The following SND1 variants were observed in gnomAD, a reference collection of about 807,000 sequenced individuals.
The protein encoded by SND1 is staphylococcal nuclease and tudor domain containing 1.
A neutral mutation model predicts 121.7 loss-of-function variants in SND1; 38 were observed. The ratio of observed to expected loss-of-function variants is 0.31; its 90% CI spans 0.24 to 0.41. The LOEUF (loss-of-function observed/expected upper bound fraction) is 0.41. Among genes scored for constraint, SND1 ranks in the 10% least tolerant of loss-of-function variants. The pLI is 1.00. For synonymous variants in SND1, 401 were observed against 447.4 expected, an observed-to-expected ratio of 0.90 and a Z score of 1.31; for missense variants, 868 against 1,184.6, an observed-to-expected ratio of 0.73 and a Z score of 3.92.
At chr7:128,045,311 C>T (rs1292465773) in intron 16 of SND1, among the ~76,000 whole-genome samples, 1 of 152,184 alleles carries the variant, frequency 6.6e-6, no homozygotes, top group Non-Finnish European at 1.5e-5. Flanking sequence ...AGTTCTAAGC[C>T]ATGCTCCAGC....
chr7:127,956,784 G>C (rs980004088), intron 15 of SND1, among the ~76,000 whole-genome samples: 1 of 152,180 alleles, frequency 6.6e-6, no homozygotes, highest in Non-Finnish European at 1.5e-5. Context: ...ATAATTTTTT[G>C]CTACCTTCTT....
At chr7:127,757,071 A>C (rs1355947362) in intron 10 of SND1, among the ~76,000 whole-genome samples, 1 of 152,214 alleles carries the variant, frequency 6.6e-6, no homozygotes, top group African/African-American at 2.4e-5. Context: ...AATTTTTAGT[A>C]TCCCAAAAAT....
chr7:128,047,932 C>T (rs1462300464), intron 16 of SND1, among the ~76,000 whole-genome samples: 2 of 151,806 alleles, frequency 1.3e-5, no homozygotes, highest in African/African-American at 2.4e-5. Flanking sequence ...ACTGCAACCT[C>T]GGCCTCCCGG....
chr7:127,685,577 T>G (rs1378061469), intron 1 of SND1, among the ~76,000 whole-genome samples: 1 of 152,226 alleles, frequency 6.6e-6, no homozygotes, highest in African/African-American at 2.4e-5. Context: ...TTGAAATCCT[T>G]TCTTCTTCTC....
intron 16 of SND1, among the ~76,000 whole-genome samples, chr7:128,063,998 C>G (rs915220031): frequency 1.3e-5 from 2 of 152,050 alleles, no homozygotes; most frequent in African/African-American, 4.8e-5. Context: ...TAGTGGAGAA[C>G]AAGGAAAGGA....
chr7:127,810,423 C>T (rs1043102160), intron 11 of SND1, among the ~76,000 whole-genome samples: 27 of 152,312 alleles, frequency 1.8e-4, no homozygotes, highest in African/African-American at 5.5e-4. Flanking sequence ...CTTCCCATCT[C>T]CTGTTTACCA....
At chr7:127,972,172 C>A (rs891885389) in intron 15 of SND1, among the ~76,000 whole-genome samples, 2 of 152,290 alleles carry the variant, frequency 1.3e-5, no homozygotes, top group African/African-American at 4.8e-5. Context: ...TCCTGGTGCT[C>A]CCCTCAAAGA....
chr7:127,983,902 G>T (rs572225537), intron 15 of SND1, among the ~76,000 whole-genome samples: 1 of 152,006 alleles, frequency 6.6e-6, no homozygotes, highest in African/African-American at 2.4e-5. Context: ...CCGATATGGC[G>T]TCCAGATTTT....
At chr7:127,822,992 A>C (rs1343905604) in intron 11 of SND1, among the ~76,000 whole-genome samples, 2 of 152,254 alleles carry the variant, frequency 1.3e-5, no homozygotes, top group Non-Finnish European at 2.9e-5. Context: ...GTGCTTGGGC[A>C]CATTGTAAGA....
intron 15 of SND1, among the ~76,000 whole-genome samples, chr7:127,980,112 T>TAAAGTAAAGTTAGTGAGGTGAAGGACTC (rs1563077434): frequency 4.0e-4 from 19 of 47,230 alleles, no homozygotes; most frequent in Admixed American, 5.9e-4. Flanking sequence ...TCTTTTTCTT[T>TAAAGTAAAGTTAGTGAGGTGAAGGACTC]TTTTTTTTTT....
At chr7:127,822,396 G>A (rs180865567) in intron 11 of SND1, among the ~76,000 whole-genome samples, 249 of 152,174 alleles carry the variant, frequency 1.6e-3, no homozygotes, top group Non-Finnish European at 3.1e-3. Flanking sequence ...CAACTTTCCC[G>A]TAAAATTTTA....
chr7:127,674,991 A>G (rs1587586670), intron 1 of SND1, among the ~76,000 whole-genome samples: 1 of 152,224 alleles, frequency 6.6e-6, no homozygotes, highest in Non-Finnish European at 1.5e-5. Context: ...ACCTGAGGTC[A>G]GGAGTTTGAG....
At chr7:128,069,903 T>C (rs1434838862) in intron 16 of SND1, among the ~76,000 whole-genome samples, 1 of 152,142 alleles carries the variant, frequency 6.6e-6, no homozygotes, top group Non-Finnish European at 1.5e-5. Flanking sequence ...GGTGAACCCA[T>C]AGGCATTCAG....
chr7:127,829,842 C>CTAT (rs1038711590), intron 11 of SND1, among the ~76,000 whole-genome samples: 2 of 152,224 alleles, frequency 1.3e-5, no homozygotes, highest in Admixed American at 1.3e-4. Flanking sequence ...TTATAGGGAT[C>CTAT]TATAGGTGGT....
chr7:127,663,183 A>G (rs1173460360), intron 1 of SND1, among the ~76,000 whole-genome samples: 1 of 151,990 alleles, frequency 6.6e-6, no homozygotes, highest in East Asian at 1.9e-4. Flanking sequence ...CACTGTGCCC[A>G]GCCTCCTGTA....
At chr7:127,787,762 A>G (rs1220499142) in intron 10 of SND1, among the ~76,000 whole-genome samples, 1 of 152,120 alleles carries the variant, frequency 6.6e-6, no homozygotes. Context: ...CTGTAGATTT[A>G]TTATCTTTGA....
At chr7:127,996,125 C>A (rs1802650555) in intron 16 of SND1, among the ~76,000 whole-genome samples, 1 of 149,680 alleles carries the variant, frequency 6.7e-6, no homozygotes, top group Non-Finnish European at 1.5e-5. Context: ...CCTCTCTCTC[C>A]CTTACTCCCT....
rs148599406 is a variant in SND1, at chr7:127,681,390, C to G, written c.79-5223C>G. Reference sequence around the variant, plus strand: ...TTTATTCTGGATACTAGACCCTTGTCAGATATATGAGATAAGAGTCTAGTA... The same window carrying G: ...TTTATTCTGGATACTAGACCCTTGTGAGATATATGAGATAAGAGTCTAGTA... On this transcript the variant is annotated intron_variant, in intron 1 of 23. Coordinates refer to ENST00000354725, the MANE Select transcript of SND1 (RefSeq NM_014390.4). 1.2e-4 allele frequency among the ~76,000 whole-genome samples: 18 copies of G among 152,238 alleles called. No individual in the cohort carries two copies. In the East Asian group the frequency reaches 3.1e-3, roughly 26 times the overall value.
chr7:127,685,564 C>A (rs749760960), intron 1 of SND1, among the ~76,000 whole-genome samples: 1 of 152,138 alleles, frequency 6.6e-6, no homozygotes, highest in Non-Finnish European at 1.5e-5. Context: ...TCCCTTCTTT[C>A]ACTTGAAATC....
Sources: gnomAD v4.1 joint callset for allele counts (sites outside exome capture counted in the v4.1 genomes callset) on GRCh38, gnomAD v4.1.1 for gene constraint, MANE v1.5 for transcripts, NCBI Gene and HGNC (gene_info 2026-07-23, HGNC 2026-07-21) for gene names.